CCZ1: variants seen among roughly 807,000 people sequenced by gnomAD.
The protein encoded by CCZ1 is vacuolar fusion protein CCZ1 homolog.
A neutral mutation model predicts 57.8 loss-of-function variants in CCZ1; 19 were observed. That is an observed-to-expected ratio of 0.33 (90% CI 0.23 to 0.48). The LOEUF (loss-of-function observed/expected upper bound fraction) is 0.48, where lower values mean the gene tolerates loss of function less well. CCZ1 is among the 20% of genes least tolerant of loss of function. The probability of loss-of-function intolerance (pLI) is 0.99; values close to 1 mark genes in which losing one functional copy is unlikely to be tolerated. For synonymous variants in CCZ1, 81 were observed against 167.0 expected (o/e 0.49, Z 3.97); for missense variants, 200 against 492.0 (o/e 0.41, Z 5.61).
At chr7:5,920,707 A>G (rs1779222608) in intron 12 of CCZ1, among the ~76,000 whole-genome samples, 1 of 137,512 alleles carries the variant, frequency 7.3e-6, no homozygotes, top group East Asian at 2.0e-4. Context: ...CCTGACCTCA[A>G]GTGATCCACC....
chr7:5,906,671 G>A (rs1412561811), intron 7 of CCZ1, among the ~76,000 whole-genome samples: 1 of 148,920 alleles, frequency 6.7e-6, no homozygotes, highest in African/African-American at 2.5e-5. Context: ...CTACTATAAG[G>A]TAAATTCAGC....
intron 10 of CCZ1, 152 bp downstream of exon 10, chr7:5,913,106 C>T: frequency 1.3e-6 from 1 of 753,996 alleles, no homozygotes; most frequent in Non-Finnish European, 2.1e-6. Context: ...GGTGTTCTTC[C>T]AGCGTAATAA....
chr7:5,902,776 G>C (rs543461507), intron 6 of CCZ1, 32 bp downstream of exon 6: 34 of 1,584,160 alleles, frequency 2.1e-5, no homozygotes, highest in East Asian at 5.0e-5. Flanking sequence ...TATAACTTTA[G>C]TAAGCATTCA....
chr7:5,910,005 G>A lies in CCZ1; in HGVS notation c.699-30G>A, dbSNP rs376170410. 8.3e-5 allele frequency: 132 copies of A among 1,594,094 alleles called. 8 individuals carry two copies. The African/African-American group carries it at 1.6e-3, about 19-fold the overall frequency. On this transcript the variant is annotated intron_variant, in intron 7 of 14. Coordinates refer to ENST00000325974, the MANE Select transcript of CCZ1 (RefSeq NM_015622.6). ...GGAAAGACAGAAGACAGTTCCAAACGTTTAACCCAGTGCTTTTCTGTTGTT... is the reference window on the plus strand; with the variant it reads ...GGAAAGACAGAAGACAGTTCCAAACATTTAACCCAGTGCTTTTCTGTTGTT...
At chr7:5,913,330 C>G (rs1325610182) in intron 10 of CCZ1, among the ~76,000 whole-genome samples, 1 of 62,650 alleles carries the variant, frequency 1.6e-5, no homozygotes, top group African/African-American at 4.1e-5. Context: ...TGTAGGCTTG[C>G]TAATTCCATA....
chr7:5,910,064 T>A lies in CCZ1; in HGVS notation c.728T>A (p.Ile243Asn). ...GGATTAGAACAAGATGACATGAGAA[T>A]TTTATACAAATACCTTACCACCTCC... ...WSGLEQDDMR[I>N]LYKYLTTSLF... Residue 243 changes from isoleucine (I) to asparagine (N), a missense_variant, in exon 8 of 15, where the codon ATT becomes AAT. Transcript: ENST00000325974. 1.9e-6 allele frequency: 3 copies of A among 1,592,630 alleles called. No homozygotes were observed. Among genetic ancestry groups the A allele is most frequent in the Non-Finnish European group, 2.6e-6 (3 of 1,164,614 alleles).
At chr7:5,905,859 GT>G (rs202147219) in intron 7 of CCZ1, among the ~76,000 whole-genome samples, 55,108 of 90,016 alleles carry the variant, frequency 0.61, 17,895 homozygotes, top group African/African-American at 0.73. Context: ...TTATTTTGGA[GT>G]TTTTTTTTTT....
chr7:5,914,083 CATG>C (rs1779104611), intron 10 of CCZ1, among the ~76,000 whole-genome samples: 1 of 146,736 alleles, frequency 6.8e-6, no homozygotes, highest in Non-Finnish European at 1.5e-5. Flanking sequence ...TCGAAAGAAA[CATG>C]ATTCCGAGGA....
intron 14 of CCZ1, chr7:5,924,678 C>T (rs1779324887): frequency 8.0e-6 from 1 of 125,708 alleles, no homozygotes; most frequent in Admixed American, 8.1e-5. Flanking sequence ...GCCAAAGCGG[C>T]CAGCCTTGCC....
rs1779369851 is a variant in CCZ1 at position 5,925,924 on chromosome 7, T to C, written c.*237T>C. 5.6e-6 allele frequency: 4 copies of C among 713,102 alleles called. No homozygotes were observed. Among genetic ancestry groups the C allele is most frequent in the Non-Finnish European group, 4.7e-6 (2 of 423,142 alleles). The allele number at this position is 713,102 out of a possible 1,614,324, so 44.2% of individuals were successfully genotyped here. On this transcript the variant is annotated 3_prime_UTR_variant, in exon 15 of 15. Coordinates refer to ENST00000325974, the MANE Select transcript of CCZ1 (RefSeq NM_015622.6). ...ATCATTTCATTCTTTTGACATTATG[T>C]GAATATTTTACTGGAAAATAAGACT... is the stretch of plus-strand genomic sequence containing the variant.
intron 12 of CCZ1, among the ~76,000 whole-genome samples, chr7:5,920,959 T>TTG (rs1344413619): frequency 2.6e-5 from 3 of 114,782 alleles, no homozygotes; most frequent in East Asian, 4.4e-4. Context: ...GGGTTTTTTT[T>TTG]TTTTTTTTTT....
chr7:5,912,801 T>G, intron 9 of CCZ1, 42 bp from the exon 10 acceptor site: 1 of 915,430 alleles, frequency 1.1e-6, no homozygotes, highest in East Asian at 2.4e-5. Flanking sequence ...CTGATTCTCC[T>G]TCACCTCGTT....
chr7:5,901,872 A>G (rs979836459), intron 5 of CCZ1, 168 bp downstream of exon 5: 3 of 556,884 alleles, frequency 5.4e-6, no homozygotes, highest in South Asian at 2.7e-5. Context: ...TTATGCCTAC[A>G]TTTATTCAGT....
rs1781746070 is a variant in CCZ1 at position 5,904,042 on chromosome 7, C to G, written c.523-1052C>G. ...TCTCTGTAGTATTAATGGATAGATCCCTCATTAGGTTAGTCTAATTTGAAG... is the reference window on the plus strand; with the variant it reads ...TCTCTGTAGTATTAATGGATAGATCGCTCATTAGGTTAGTCTAATTTGAAG... On this transcript the variant is annotated intron_variant, in intron 6 of 14. Transcript: ENST00000325974. 2.1e-5 allele frequency among the ~76,000 whole-genome samples: 3 copies of G among 141,882 alleles called. 1 individual carries two copies. Among genetic ancestry groups the G allele is most frequent in the African/African-American group, 8.1e-5 (3 of 37,014 alleles). The allele number at this position is 141,882 out of a possible 152,430, so 93.1% of individuals were successfully genotyped here. A position where few individuals can be genotyped will look rare whatever the true frequency, so the allele number is the denominator to read the frequency against.
chr7:5,914,494 G>C (rs1023461931), intron 10 of CCZ1, among the ~76,000 whole-genome samples: 1 of 148,836 alleles, frequency 6.7e-6, no homozygotes, highest in African/African-American at 2.5e-5. Context: ...TGTGACAGTG[G>C]AAGAGAGACT....
At position 5,902,647 on chromosome 7, in the gene CCZ1, T is replaced by C. The variant is rs748819535; in HGVS notation, c.439-14T>C. The stretch of plus-strand genomic sequence containing the variant: ...GAAACTGATTTTTTTTCCTGCAATC[T>C]TTTACCTCACTAGCTTTTTAATGGT... On this transcript the variant is annotated splice_polypyrimidine_tract_variant and intron_variant, in intron 5 of 14. Transcript: ENST00000325974. The C allele has an allele frequency of 3.2e-6, 5 of 1,575,138 alleles. 1 individual carries two copies. The East Asian group carries it at 1.1e-4, about 34-fold the overall frequency.
intron 8 of CCZ1, among the ~76,000 whole-genome samples, chr7:5,910,706 TTTTA>T (rs1554282244): frequency 0.031 from 3,781 of 123,010 alleles, 253 homozygotes; most frequent in African/African-American, 0.083. Flanking sequence ...ATGTATTTTA[TTTTA>T]TTTATTTATT....
intron 8 of CCZ1, 151 bp from the exon 9 acceptor site, chr7:5,911,710 G>A (rs928922610): frequency 8.1e-5 from 108 of 1,336,092 alleles, no homozygotes; most frequent in South Asian, 9.6e-5. Context: ...CATGCTGCAC[G>A]CATTCCAGCC....
intron 7 of CCZ1, among the ~76,000 whole-genome samples, chr7:5,907,677 G>A (rs1025719870): frequency 1.2e-4 from 17 of 145,858 alleles, no homozygotes; most frequent in African/African-American, 3.6e-4. Context: ...TGTTGGCATC[G>A]TCATCTTGGA....
Sources: allele counts gnomAD v4.1 joint callset (sites outside exome capture counted in the v4.1 genomes callset), GRCh38; gene constraint gnomAD v4.1.1; transcripts MANE v1.5; gene names NCBI Gene and HGNC (gene_info 2026-07-23, HGNC 2026-07-21).